The following ITPR1 variants were observed in gnomAD, a reference collection of about 807,000 sequenced individuals.
ITPR1 encodes the protein inositol 1,4,5-trisphosphate receptor type 1.
A neutral mutation model predicts 318.4 loss-of-function variants in ITPR1; 96 were observed. The observed-to-expected ratio is 0.30, with a 90% CI of 0.26 to 0.36. The LOEUF is 0.36. Ranked by LOEUF, ITPR1 falls within the 10% of genes least tolerant of loss-of-function variation. ITPR1 has a pLI of 1.00. For missense variants in ITPR1, 2,440 were observed against 3,460.2 expected (o/e 0.71, Z 7.40); for synonymous variants, 1,312 against 1,289.9 (o/e 1.02, Z -0.37).
chr3:4,733,438 C>T (rs2043067070), intron 43 of ITPR1, among the ~76,000 whole-genome samples: 2 of 152,010 alleles, frequency 1.3e-5, no homozygotes, highest in South Asian at 2.1e-4. Flanking sequence ...GGTGGCTAAG[C>T]CTTTTGCTCC....
intron 47 of ITPR1, among the ~76,000 whole-genome samples, chr3:4,776,630 G>A (rs1427540007): frequency 6.6e-6 from 1 of 152,190 alleles, no homozygotes; most frequent in African/African-American, 2.4e-5. Context: ...GAAGCAGATG[G>A]TGTAGTCCTA....
chr3:4,567,738 A>G (rs1036361823), intron 4 of ITPR1, among the ~76,000 whole-genome samples: 3 of 152,114 alleles, frequency 2.0e-5, no homozygotes, highest in Non-Finnish European at 4.4e-5. Context: ...AGTAGCTGGG[A>G]CTACAGGCAT....
rs569782030 is a variant in ITPR1, at chr3:4,710,283, C to T, written c.4843-42C>T. 32 of 1,488,284 alleles carry T rather than the reference C, an allele frequency of 2.2e-5. No individual in the cohort carries two copies. In the East Asian group the frequency reaches 6.7e-4, roughly 31 times the overall value. 92.2% of individuals were successfully genotyped at this position (1,488,284 alleles called of 1,614,324 possible). A position where few individuals can be genotyped will look rare whatever the true frequency, so the allele number is the denominator to read the frequency against. On this transcript the variant is annotated intron_variant, in intron 37 of 61. Coordinates refer to ENST00000649015, the MANE Select transcript of ITPR1 (RefSeq NM_001378452.1). The surrounding 1 kb of genome is among the most constrained non-coding windows in gnomAD (Gnocchi z 4.2). ...AATGTCCTCACCCTCCTGTGGTCAG[C>T]GTCTGCCTGAGCCGTTGACTGAGGC...
chr3:4,582,324 T>C (rs940077740), intron 4 of ITPR1, among the ~76,000 whole-genome samples: 1 of 152,204 alleles, frequency 6.6e-6, no homozygotes, highest in African/African-American at 2.4e-5. Flanking sequence ...ATGTTCCTAC[T>C]GTGTCTGTAG....
intron 39 of ITPR1, among the ~76,000 whole-genome samples, chr3:4,716,717 T>G (rs958854631): frequency 6.6e-6 from 1 of 152,238 alleles, no homozygotes; most frequent in African/African-American, 2.4e-5. Context: ...CCAACTATCC[T>G]TAAACAAGCG....
At chr3:4,836,395 A>G (rs2050916282) in intron 60 of ITPR1, among the ~76,000 whole-genome samples, 1 of 152,218 alleles carries the variant, frequency 6.6e-6, no homozygotes, top group African/African-American at 2.4e-5. Context: ...AAATGGTTAC[A>G]ATGGTAAATT....
At chr3:4,721,750 G>A (rs2042178540) in intron 40 of ITPR1, among the ~76,000 whole-genome samples, 2 of 152,170 alleles carry the variant, frequency 1.3e-5, no homozygotes, top group Non-Finnish European at 2.9e-5. Context: ...AATTCTAGAA[G>A]CCCCAGGGTA....
At chr3:4,609,366 CAT>C (rs2091939950) in intron 4 of ITPR1, among the ~76,000 whole-genome samples, 1 of 151,826 alleles carries the variant, frequency 6.6e-6, no homozygotes, top group Admixed American at 6.6e-5. Context: ...GCAAAGGAAA[CAT>C]AGGTCATGAA....
At chr3:4,668,945 C>A (rs1436176155) in intron 18 of ITPR1, among the ~76,000 whole-genome samples, 1 of 152,236 alleles carries the variant, frequency 6.6e-6, no homozygotes, top group Non-Finnish European at 1.5e-5. Flanking sequence ...CTCCCCATTT[C>A]TTTCCCCTTC....
Position 4,727,187 on chromosome 3 carries a change from A to G in ITPR1, c.5220+14A>G. 2 of 1,577,016 alleles carry G rather than the reference A, an allele frequency of 1.3e-6. No homozygotes were observed. The highest frequency in any genetic ancestry group is 2.3e-5 in the South Asian group (2 of 88,272). On this transcript the variant is annotated intron_variant, in intron 42 of 61. Coordinates refer to ENST00000649015, the MANE Select transcript of ITPR1 (RefSeq NM_001378452.1). ...GACCATAAAAGGGTACGTAGTCTTGAGTCTTGGGTATCGGGAGCTAATGAT... is the reference window on the plus strand; with the variant it reads ...GACCATAAAAGGGTACGTAGTCTTGGGTCTTGGGTATCGGGAGCTAATGAT...
chr3:4,778,469 A>G (rs2046618396), intron 48 of ITPR1, among the ~76,000 whole-genome samples: 1 of 152,236 alleles, frequency 6.6e-6, no homozygotes, highest in Admixed American at 6.5e-5. Context: ...AAAGATGGGA[A>G]CACAGAAACC....
chr3:4,603,332 C>T (rs2091439860), intron 4 of ITPR1, among the ~76,000 whole-genome samples: 1 of 152,110 alleles, frequency 6.6e-6, no homozygotes. Context: ...TATGAATGAT[C>T]ACCCAGGTTG....
intron 4 of ITPR1, among the ~76,000 whole-genome samples, chr3:4,618,922 C>T (rs2092490809): frequency 6.6e-6 from 1 of 152,200 alleles, no homozygotes; most frequent in African/African-American, 2.4e-5. Flanking sequence ...AACAACCACA[C>T]AACTATTTAA....
chr3:4,500,977 C>T (rs1416307438), intron 2 of ITPR1, among the ~76,000 whole-genome samples: 1 of 152,136 alleles, frequency 6.6e-6, no homozygotes, highest in Non-Finnish European at 1.5e-5. Flanking sequence ...CCTCGGTCTC[C>T]TGAGTAGTTG....
Position 4,642,227 on chromosome 3 carries a change from C to T in ITPR1, c.501C>T (p.Tyr167=), listed in dbSNP as rs2093353837. 2 of 1,584,018 alleles carry T rather than the reference C, an allele frequency of 1.3e-6. No homozygotes were observed. The highest frequency in any genetic ancestry group is 1.9e-5 in the Admixed American group (1 of 53,128). The change falls in exon 7 of 62, where the codon TAC becomes TAT. Residue 167 remains tyrosine (Y), a synonymous_variant. Coordinates refer to ENST00000649015, the MANE Select transcript of ITPR1 (RefSeq NM_001378452.1). ...CCTGGTTTTATATTCAGCCATTCTA[C>T]AAGCTGCGATCCATTGGAGACAGCG... ...EGSWFYIQPF[Y]KLRSIGDSVV...
At chr3:4,783,322 G>C (rs1233524362) in intron 50 of ITPR1, among the ~76,000 whole-genome samples, 1 of 152,146 alleles carries the variant, frequency 6.6e-6, no homozygotes, top group Non-Finnish European at 1.5e-5. Context: ...CTGTAACCCT[G>C]CTGGAGCCTT....
intron 31 of ITPR1, 102 bp from the exon 32 acceptor site, chr3:4,691,042 C>A: frequency 1.4e-6 from 1 of 694,022 alleles, no homozygotes. Flanking sequence ...TTAAATGCTT[C>A]CCTTGTGTGT....
At chr3:4,537,147 A>G (rs1247540599) in intron 4 of ITPR1, among the ~76,000 whole-genome samples, 2 of 152,168 alleles carry the variant, frequency 1.3e-5, no homozygotes, top group Non-Finnish European at 2.9e-5. Context: ...GTTATACCAC[A>G]CTGAAAATGA....
intron 10 of ITPR1, among the ~76,000 whole-genome samples, chr3:4,651,032 A>G (rs375255535): frequency 1.1e-4 from 17 of 152,194 alleles, no homozygotes; most frequent in African/African-American, 3.9e-4. Flanking sequence ...GTGTAGAGTT[A>G]ATTTTGGGGC....
Sources: gnomAD v4.1 joint callset for allele counts (sites outside exome capture counted in the v4.1 genomes callset) on GRCh38, gnomAD v4.1.1 for gene constraint, Gnocchi (gnomAD v3.1) non-coding constraint, MANE v1.5 for transcripts, NCBI Gene and HGNC (gene_info 2026-07-23, HGNC 2026-07-21) for gene names.